ACSL4: variants seen among roughly 807,000 people sequenced by gnomAD.
ACSL4 encodes the protein acyl-CoA synthetase long chain family member 4.
A neutral mutation model predicts 49.1 loss-of-function variants in ACSL4; 9 were observed. The ratio of observed to expected loss-of-function variants is 0.18; its 90% CI spans 0.11 to 0.32. The LOEUF (loss-of-function observed/expected upper bound fraction) is 0.32. Ranked by LOEUF, ACSL4 falls within the 10% of genes least tolerant of loss-of-function variation. ACSL4 has a pLI of 1.00. For synonymous variants in ACSL4, 191 were observed against 170.3 expected (o/e 1.12, Z -0.95); for missense variants, 333 against 493.7 (o/e 0.67, Z 3.08).
At chrX:109,721,011 G>C (rs1027510306) in intron 1 of ACSL4, among the ~76,000 whole-genome samples, 4 of 108,756 alleles carry the variant, frequency 3.7e-5, no homozygotes, top group African/African-American at 1.4e-4. Flanking sequence ...AGCTATTTCT[G>C]CCGAGTTCTA....
Position 109,647,543 on chromosome X carries a change from T to C in ACSL4, c.1856-3357A>G, listed in dbSNP as rs182180015. On this transcript the variant is annotated intron_variant, in intron 15 of 15. Transcript: ENST00000672401. ...AAAGCAGTGTGTAGATGGAAATTTA[T>C]AGCACTAAATGCCCACAAGAGAAAG... Among the ~76,000 whole-genome samples, 613 of 111,593 alleles carry C rather than the reference T, an allele frequency of 5.5e-3. 6 individuals are homozygous for C. Among genetic ancestry groups the C allele is most frequent in the African/African-American group, 0.017 (529 of 30,653 alleles).
intron 15 of ACSL4, among the ~76,000 whole-genome samples, chrX:109,648,364 T>C (rs1258080521): frequency 3.6e-5 from 4 of 111,784 alleles, no homozygotes; most frequent in Non-Finnish European, 7.5e-5. Flanking sequence ...GCAAGGCTGG[T>C]TTAATATACG....
intron 1 of ACSL4, among the ~76,000 whole-genome samples, chrX:109,696,736 A>G: frequency 8.9e-6 from 1 of 112,938 alleles, no homozygotes; most frequent in Middle Eastern, 4.6e-3. Flanking sequence ...TTTTTGTGAC[A>G]TTTTTCAAGA....
intron 1 of ACSL4, among the ~76,000 whole-genome samples, chrX:109,705,064 T>C (rs781336822): frequency 8.9e-6 from 1 of 111,822 alleles, no homozygotes; most frequent in African/African-American, 3.3e-5. Context: ...TTGAGTTGTA[T>C]ACATTCCATC....
At chrX:109,658,194 C>G (rs1194810161) in intron 15 of ACSL4, among the ~76,000 whole-genome samples, 1 of 111,547 alleles carries the variant, frequency 9.0e-6, no homozygotes, top group Non-Finnish European at 1.9e-5. Context: ...AGCTACAAAT[C>G]TGGGGGCTAT....
At chrX:109,647,935 A>G (rs1203817183) in intron 15 of ACSL4, among the ~76,000 whole-genome samples, 15 of 111,752 alleles carry the variant, frequency 1.3e-4, no homozygotes, top group Admixed American at 1.3e-3. Flanking sequence ...AGAAATGGAT[A>G]AATTCCTGGA....
chrX:109,711,745 C>T (rs1385718215), intron 1 of ACSL4, among the ~76,000 whole-genome samples: 2 of 110,673 alleles, frequency 1.8e-5, no homozygotes, highest in Non-Finnish European at 3.8e-5. Flanking sequence ...TCCTATGTTA[C>T]GTGAAGTGCC....
chrX:109,728,976 C>T (rs889328882), intron 1 of ACSL4, among the ~76,000 whole-genome samples: 1 of 109,296 alleles, frequency 9.1e-6, no homozygotes, highest in Admixed American at 9.8e-5. Context: ...TTTGGGAGGC[C>T]GAGGCGGGTG....
At chrX:109,687,013 A>AACTTCCAGTTCAAGGAGTT (rs1233253863) in intron 2 of ACSL4, among the ~76,000 whole-genome samples, 45 of 111,689 alleles carry the variant, frequency 4.0e-4, no homozygotes, top group Non-Finnish European at 5.5e-4. Context: ...CCCTGAAGGG[A>AACTTCCAGTTCAAGGAGTT]CTCCTTGGAA....
intron 14 of ACSL4, among the ~76,000 whole-genome samples, chrX:109,659,824 G>C (rs1922022338): frequency 9.0e-6 from 1 of 111,060 alleles, no homozygotes; most frequent in Non-Finnish European, 1.9e-5. Flanking sequence ...CACATGCAAT[G>C]AATGAAGGTG....
rs767443802 is a variant in ACSL4 at position 109,678,084 on chromosome X, C to T, written c.834G>A (p.Leu278=). The change falls in exon 8 of 16, where the codon TTG becomes TTA. Residue 278 remains leucine (L), a synonymous_variant. Transcript: ENST00000672401. ...LGPKDTYIGY[L]PLAHVLELTA... is the part of the protein sequence containing the mutation. Reference sequence around the variant, plus strand: ...TCAGTTCTAGCACATGAGCCAAAGGCAAGTAGCCAATATATGTGTCCTTCG... The same window carrying T: ...TCAGTTCTAGCACATGAGCCAAAGGTAAGTAGCCAATATATGTGTCCTTCG... 1 of 1,211,485 alleles carries T rather than the reference C, an allele frequency of 8.3e-7. No homozygotes were observed. The highest frequency in any genetic ancestry group is 1.1e-6 in the Non-Finnish European group (1 of 895,088).
intron 2 of ACSL4, among the ~76,000 whole-genome samples, chrX:109,686,712 A>C (rs997095983): frequency 9.0e-6 from 1 of 111,101 alleles, no homozygotes; most frequent in Non-Finnish European, 1.9e-5. Flanking sequence ...CTTAAGTCTT[A>C]GAGAAAGAGA....
At chrX:109,672,526 T>G (rs1040352968) in intron 9 of ACSL4, among the ~76,000 whole-genome samples, 2 of 112,001 alleles carry the variant, frequency 1.8e-5, no homozygotes, top group Non-Finnish European at 3.8e-5. Flanking sequence ...AGTAGTGACT[T>G]ATTCTGAATT....
Position 109,692,647 on chromosome X carries a change from A to AT in ACSL4, c.-13+3496_-13+3497insA, listed in dbSNP as rs1170446196. Among the ~76,000 whole-genome samples, 18 of 112,098 alleles carry AT rather than the reference A, an allele frequency of 1.6e-4. No individual in the cohort carries two copies. The Admixed American group carries it at 1.6e-3, about 10-fold the overall frequency. On this transcript the variant is annotated intron_variant, in intron 2 of 15. Coordinates refer to ENST00000672401, the MANE Select transcript of ACSL4 (RefSeq NM_001318510.2). ...ATGTCAATGTTGTACAACTGATGCT[A>AT]AAGAGTAACTGCTGCAGGTCCCTGT...
At chrX:109,710,281 G>A (rs183308806) in intron 1 of ACSL4, among the ~76,000 whole-genome samples, 2 of 111,534 alleles carry the variant, frequency 1.8e-5, no homozygotes, top group Non-Finnish European at 3.8e-5. Context: ...GAATGTATGG[G>A]TATATTAGCA....
At chrX:109,656,207 C>T (rs1921631438) in intron 15 of ACSL4, among the ~76,000 whole-genome samples, 1 of 110,883 alleles carries the variant, frequency 9.0e-6, no homozygotes, top group Admixed American at 9.6e-5. Context: ...TACAGACATG[C>T]TATCCTTTCC....
intron 12 of ACSL4, among the ~76,000 whole-genome samples, chrX:109,663,853 G>A (rs1335941258): frequency 4.5e-5 from 5 of 111,315 alleles, no homozygotes; most frequent in East Asian, 2.8e-4. Flanking sequence ...AAAGTGAGAG[G>A]GAAAGGGGGG....
intron 1 of ACSL4, among the ~76,000 whole-genome samples, chrX:109,728,032 G>A (rs1928150257): frequency 8.9e-6 from 1 of 112,108 alleles, no homozygotes; most frequent in Non-Finnish European, 1.9e-5. Context: ...ACACTGAAGG[G>A]ACAAATAATT....
At chrX:109,676,162 G>A (rs1305103866) in intron 8 of ACSL4, among the ~76,000 whole-genome samples, 1 of 109,472 alleles carries the variant, frequency 9.1e-6, no homozygotes, top group Non-Finnish European at 1.9e-5. Flanking sequence ...TAATCTAGAC[G>A]GTGATGATCA....
Sources: allele counts gnomAD v4.1 joint callset (sites outside exome capture counted in the v4.1 genomes callset), GRCh38; gene constraint gnomAD v4.1.1; transcripts MANE v1.5; gene names NCBI Gene and HGNC (gene_info 2026-07-23, HGNC 2026-07-21).